Variants in ZDBF2 observed in about 807,000 individuals in gnomAD.
The protein encoded by ZDBF2 is zinc finger DBF-type containing 2.
ZDBF2 carries 6 observed loss-of-function variants against 9.4 expected under a neutral mutation model. The ratio of observed to expected loss-of-function variants is 0.64; its 90% CI spans 0.35 to 1.27. ZDBF2 has a LOEUF of 1.27. Among genes scored for constraint, ZDBF2 ranks in the 50% most tolerant of loss-of-function variants. The probability of loss-of-function intolerance (pLI) is 0.03; values close to 1 mark genes in which losing one functional copy is unlikely to be tolerated. For missense variants in ZDBF2, 2,697 were observed against 2,766.8 expected, an observed-to-expected ratio of 0.97 and a Z score of 0.57; for synonymous variants, 905 against 946.3, an observed-to-expected ratio of 0.96 and a Z score of 0.80.
intron 3 of ZDBF2, among the ~76,000 whole-genome samples, chr2:206,293,569 T>C (rs1166678597): frequency 6.6e-6 from 1 of 152,196 alleles, no homozygotes; most frequent in Non-Finnish European, 1.5e-5. Context: ...AGGGAATTTC[T>C]ACAAGTCCAT....
chr2:206,301,310 C>A (rs1250228799), intron 4 of ZDBF2, among the ~76,000 whole-genome samples: 1 of 151,692 alleles, frequency 6.6e-6, no homozygotes, highest in African/African-American at 2.4e-5. Context: ...ATATGTTATT[C>A]TTTATTATAC....
rs376780190 is a variant in ZDBF2, at chr2:206,306,900, C to G, written c.2372C>G (p.Thr791Ser). Residue 791 changes from threonine to serine, a missense_variant, in exon 5 of 5, where the codon ACT (threonine) becomes AGT (serine). By Grantham distance (58) the Thr-to-Ser change is moderately conservative. This residue lies in a region of ZDBF2 where 910 missense variants were observed against 973.6 expected (regional missense o/e 0.93). Coordinates refer to ENST00000374423, the MANE Select transcript of ZDBF2 (RefSeq NM_020923.3). ...ESCESDSSEI[T>S]FDSDIPLYSV... ...TGTGAGTCAGATAGTTCTGAAATAA[C>G]TTTTGATTCTGATATTCCTCTTTAT... 4 of 1,613,730 alleles carry G rather than the reference C, an allele frequency of 2.5e-6. No homozygotes were observed.
Position 206,309,185 on chromosome 2 carries a change from C to A in ZDBF2, c.4657C>A (p.Pro1553Thr). The A allele has an allele frequency of 6.2e-7, 1 of 1,609,506 alleles. No individual in the cohort carries two copies. Residue 1553 changes from proline (P) to threonine (T), a missense_variant, in exon 5 of 5, where the codon CCT becomes ACT. Pro to Thr is a conservative substitution (Grantham distance 38). Transcript: ENST00000374423. Reference protein sequence around the residue: ...DIPLQLVTDPPQLTVKDISCI... With the variant: ...DIPLQLVTDPTQLTVKDISCI... ...TCCCCTTCAGTTAGTGACTGACCCA[C>A]CTCAGTTGACTGTCAAAGATATCAG...
chr2:206,303,787 T>C (rs1453392014), intron 4 of ZDBF2, among the ~76,000 whole-genome samples: 3 of 152,106 alleles, frequency 2.0e-5, no homozygotes, highest in Admixed American at 6.5e-5. Flanking sequence ...ATTATTTTTT[T>C]CCCTTCTATT....
At chr2:206,287,855 A>T (rs1054107509) in intron 3 of ZDBF2, among the ~76,000 whole-genome samples, 8 of 151,610 alleles carry the variant, frequency 5.3e-5, no homozygotes, top group Admixed American at 4.6e-4. Context: ...GAATCTCTGT[A>T]TTGTATTTTT....
chr2:206,311,014 A>T lies in ZDBF2; in HGVS notation c.6486A>T (p.Ser2162=). Residue 2162 remains serine, a synonymous_variant, in exon 5 of 5, where the codon TCA becomes TCT. Coordinates refer to ENST00000374423, the MANE Select transcript of ZDBF2 (RefSeq NM_020923.3). ...NHDVVKISPK[S]VRNKLLESQS... is the part of the protein sequence containing the mutation. Reference sequence around the variant, plus strand: ...ATGTTGTCAAAATCTCTCCAAAATCAGTTAGAAATAAGCTTTTGGAAAGTC... The same window carrying T: ...ATGTTGTCAAAATCTCTCCAAAATCTGTTAGAAATAAGCTTTTGGAAAGTC... 1 of 1,611,154 alleles carries T rather than the reference A, an allele frequency of 6.2e-7. No individual in the cohort carries two copies. The highest frequency in any genetic ancestry group is 8.5e-7 in the Non-Finnish European group (1 of 1,179,310).
intron 4 of ZDBF2, among the ~76,000 whole-genome samples, chr2:206,297,927 C>T (rs1445829287): frequency 1.3e-5 from 2 of 152,244 alleles, no homozygotes; most frequent in Non-Finnish European, 2.9e-5. Flanking sequence ...GTGATCCACC[C>T]GCCTTGGCCT....
chr2:206,298,386 A>G (rs1437695971), intron 4 of ZDBF2, among the ~76,000 whole-genome samples: 4 of 152,248 alleles, frequency 2.6e-5, no homozygotes. Flanking sequence ...TGCCTTGCAA[A>G]TCACTAACAT....
Position 206,309,981 on chromosome 2 carries a change from A to T in ZDBF2, c.5453A>T (p.Glu1818Val). ...IEDNPDEPVL[E>V]ALPHVPPSFV... is the part of the protein sequence containing the mutation. ...GATAATCCTGATGAACCAGTTCTTG[A>T]AGCCTTGCCTCATGTACCTCCTTCA... The change falls in exon 5 of 5, where the codon GAA (glutamate) becomes GTA (valine). Residue 1818 changes from glutamate (E) to valine (V), a missense_variant. Around this residue, in one of 3 missense-constraint regions of ZDBF2, gnomAD observed 1,783 missense variants for 1,776.5 expected, o/e 1.00. Transcript: ENST00000374423. 1 of 1,613,194 alleles carries T rather than the reference A, an allele frequency of 6.2e-7. No homozygotes were observed. The highest frequency in any genetic ancestry group is 1.1e-5 in the South Asian group (1 of 90,828).
At chr2:206,292,136 A>G (rs1340659139) in intron 3 of ZDBF2, 5 of 398,164 alleles carry the variant, frequency 1.3e-5, no homozygotes, top group Admixed American at 4.4e-5. Context: ...TAGGCAATCA[A>G]TCTAAGTGAA....
rs1411318280 is a variant in ZDBF2 at position 206,307,705 on chromosome 2, T to A, written c.3177T>A (p.Ala1059=). ...CAATGACTGACCAACCTCAACTAGCTTTTTTGAAGGAAAAACATGTTAATC... is the reference window on the plus strand; with the variant it reads ...CAATGACTGACCAACCTCAACTAGCATTTTTGAAGGAAAAACATGTTAATC... ...PQSMTDQPQL[A]FLKEKHVNLK... Residue 1059 remains alanine, a synonymous_variant, in exon 5 of 5, where the codon GCT becomes GCA. Transcript: ENST00000374423. The A allele has an allele frequency of 3.1e-6, 5 of 1,613,356 alleles. No individual in the cohort carries two copies. The South Asian group carries it at 5.5e-5, about 18-fold the overall frequency.
intron 3 of ZDBF2, among the ~76,000 whole-genome samples, chr2:206,285,437 T>C (rs1317136126): frequency 2.0e-5 from 3 of 152,252 alleles, no homozygotes; most frequent in Non-Finnish European, 4.4e-5. Context: ...TGGCCATTTA[T>C]ATGACTTTTT....
Sources: allele counts gnomAD v4.1 joint callset (sites outside exome capture counted in the v4.1 genomes callset), GRCh38; gene constraint gnomAD v4.1.1; regional missense constraint gnomAD v4.1.1; transcripts MANE v1.5; gene names NCBI Gene and HGNC (gene_info 2026-07-23, HGNC 2026-07-21).